TEC: variants seen among roughly 807,000 people sequenced by gnomAD.
The protein encoded by TEC is tyrosine-protein kinase Tec.
A neutral mutation model predicts 93.0 loss-of-function variants in TEC; 72 were observed. That is an observed-to-expected ratio of 0.77 (90% confidence interval 0.64 to 0.94). The LOEUF (loss-of-function observed/expected upper bound fraction) is 0.94, where lower values mean the gene tolerates loss of function less well. Ranked by LOEUF, TEC falls within the 40% of genes least tolerant of loss-of-function variation. The pLI, the probability that TEC is intolerant of heterozygous loss-of-function variation, is 0.00. For synonymous variants in TEC, 249 were observed against 247.7 expected, an observed-to-expected ratio of 1.01 and a Z score of -0.05; for missense variants, 630 against 757.9, an observed-to-expected ratio of 0.83 and a Z score of 1.98.
At chr4:48,185,449 C>T (rs1029136518) in intron 2 of TEC, among the ~76,000 whole-genome samples, 3 of 152,308 alleles carry the variant, frequency 2.0e-5, no homozygotes, top group Non-Finnish European at 4.4e-5. Flanking sequence ...TTTAGAGGCA[C>T]TTCCAATTTG....
chr4:48,215,850 G>C (rs1415525483), intron 2 of TEC, among the ~76,000 whole-genome samples: 1 of 152,160 alleles, frequency 6.6e-6, no homozygotes, highest in Admixed American at 6.5e-5. Flanking sequence ...TGCACTCAGA[G>C]AGCATGATCC....
At chr4:48,152,507 G>A (rs970213911) in intron 9 of TEC, among the ~76,000 whole-genome samples, 1 of 151,810 alleles carries the variant, frequency 6.6e-6, no homozygotes, top group Admixed American at 6.6e-5. Flanking sequence ...CTTATTTATC[G>A]AAAATTTATT....
intron 10 of TEC, among the ~76,000 whole-genome samples, chr4:48,150,218 C>G (rs1479970283): frequency 2.0e-5 from 3 of 152,156 alleles, no homozygotes; most frequent in African/African-American, 7.2e-5. Context: ...TGAGGCTTCT[C>G]TCTCCTCCCT....
intron 1 of TEC, among the ~76,000 whole-genome samples, chr4:48,259,853 G>A (rs557689138): frequency 1.3e-5 from 2 of 152,266 alleles, no homozygotes; most frequent in South Asian, 4.1e-4. Flanking sequence ...ACTGGGCCAT[G>A]ATTACTCAAG....
intron 2 of TEC, among the ~76,000 whole-genome samples, chr4:48,197,178 A>T (rs4695357): frequency 2.0e-5 from 3 of 151,954 alleles, no homozygotes; most frequent in African/African-American, 7.3e-5. Context: ...ACAATTTGGT[A>T]GCCCAAAAAA....
intron 2 of TEC, among the ~76,000 whole-genome samples, chr4:48,179,571 T>C (rs1299796406): frequency 6.6e-6 from 1 of 151,290 alleles, no homozygotes. Context: ...GTATTTTTAG[T>C]AGAGACAGGG....
intron 1 of TEC, among the ~76,000 whole-genome samples, chr4:48,230,590 T>C (rs920623581): frequency 6.6e-6 from 1 of 152,146 alleles, no homozygotes; most frequent in African/African-American, 2.4e-5. Context: ...TCACTCCCAT[T>C]GGATCAATCT....
intron 8 of TEC, among the ~76,000 whole-genome samples, chr4:48,159,321 T>C (rs1199477688): frequency 1.3e-5 from 2 of 152,166 alleles, no homozygotes; most frequent in South Asian, 2.1e-4. Flanking sequence ...CGTCCGAAGA[T>C]GAAGGGAGCT....
At chr4:48,263,257 A>C (rs1724544563) in intron 1 of TEC, among the ~76,000 whole-genome samples, 1 of 152,238 alleles carries the variant, frequency 6.6e-6, no homozygotes, top group Non-Finnish European at 1.5e-5. Context: ...CCAGAAGGAA[A>C]TAATGATAAC....
chr4:48,214,607 T>G (rs1723012242), intron 2 of TEC, among the ~76,000 whole-genome samples: 1 of 151,952 alleles, frequency 6.6e-6, no homozygotes, highest in Non-Finnish European at 1.5e-5. Flanking sequence ...ATCCCAGCAC[T>G]TTGGGAGGCC....
intron 8 of TEC, among the ~76,000 whole-genome samples, 158 bp downstream of exon 8, chr4:48,163,544 C>A (rs536635944): frequency 7.2e-5 from 11 of 152,238 alleles, no homozygotes; most frequent in Admixed American, 6.5e-4. Context: ...GAGATTAATT[C>A]TCAGTCTTTT....
At chr4:48,231,378 A>T (rs557704375) in intron 1 of TEC, among the ~76,000 whole-genome samples, 32 of 152,342 alleles carry the variant, frequency 2.1e-4, no homozygotes, top group African/African-American at 7.7e-4. Flanking sequence ...CTTTCCTAAG[A>T]AACTGTCAGA....
chr4:48,258,827 T>C (rs1724414372), intron 1 of TEC, among the ~76,000 whole-genome samples: 2 of 152,228 alleles, frequency 1.3e-5, no homozygotes, highest in African/African-American at 4.8e-5. Flanking sequence ...TTGTCTGACA[T>C]GGTTACCCTC....
chr4:48,255,649 A>G (rs1278507538), intron 1 of TEC, among the ~76,000 whole-genome samples: 2 of 152,242 alleles, frequency 1.3e-5, no homozygotes, highest in Non-Finnish European at 2.9e-5. Flanking sequence ...TACTAGCTGT[A>G]TGACCTCAGG....
intron 2 of TEC, among the ~76,000 whole-genome samples, chr4:48,202,812 C>A (rs1481410565): frequency 6.6e-6 from 1 of 152,142 alleles, no homozygotes; most frequent in Admixed American, 6.5e-5. Flanking sequence ...GTGACAGAAC[C>A]CAGGATTTGA....
chr4:48,199,985 G>C (rs1027422174), intron 2 of TEC, among the ~76,000 whole-genome samples: 1 of 152,002 alleles, frequency 6.6e-6, no homozygotes, highest in Non-Finnish European at 1.5e-5. Context: ...ATGAGAATGA[G>C]AGAAAGAGAC....
intron 2 of TEC, among the ~76,000 whole-genome samples, chr4:48,219,580 C>A (rs1171715357): frequency 6.6e-6 from 1 of 152,162 alleles, no homozygotes; most frequent in Non-Finnish European, 1.5e-5. Context: ...CTTATAAGTG[C>A]AGAGAAGAAA....
chr4:48,264,310 C>G (rs1274433629), intron 1 of TEC, among the ~76,000 whole-genome samples: 4 of 152,196 alleles, frequency 2.6e-5, no homozygotes, highest in Non-Finnish European at 4.4e-5. Flanking sequence ...TCTGGCCACT[C>G]CAACCAGTTA....
rs114338142 is a variant in TEC, at chr4:48,215,714, C to T, written c.138+12763G>A. Among the ~76,000 whole-genome samples, 1,053 of 152,200 alleles carry T rather than the reference C, an allele frequency of 6.9e-3. 7 individuals are homozygous for T. The highest frequency in any genetic ancestry group is 0.023 in the African/African-American group (966 of 41,516). The stretch of plus-strand genomic sequence containing the variant: ...GTAAGACAAAGAGCATCGGTATTTG[C>T]AAGCAAAGGAGTCTGAATAGTCACT... On this transcript the variant is annotated intron_variant, in intron 2 of 17. Coordinates refer to ENST00000381501, the MANE Select transcript of TEC (RefSeq NM_003215.3).
Sources: allele counts gnomAD v4.1 joint callset (sites outside exome capture counted in the v4.1 genomes callset), GRCh38; gene constraint gnomAD v4.1.1; transcripts MANE v1.5; gene names NCBI Gene and HGNC (gene_info 2026-07-23, HGNC 2026-07-21).